The following NSD3 variants were observed in gnomAD, a reference collection of about 807,000 sequenced individuals.
NSD3 encodes the protein histone-lysine N-methyltransferase NSD3.
A neutral mutation model predicts 160.8 loss-of-function variants in NSD3; 24 were observed. That is an observed-to-expected ratio of 0.15 (90% CI 0.11 to 0.21). The LOEUF is 0.21. Ranked by LOEUF, NSD3 falls within the 10% of genes least tolerant of loss-of-function variation. NSD3 has a pLI of 1.00. For synonymous variants in NSD3, 520 were observed against 600.0 expected (o/e 0.87, Z 1.95); for missense variants, 1,157 against 1,735.9 (o/e 0.67, Z 5.93).
At chr8:38,349,688 TATATG>T (rs1330597131) in intron 1 of NSD3, among the ~76,000 whole-genome samples, 2 of 122,832 alleles carry the variant, frequency 1.6e-5, no homozygotes, top group African/African-American at 6.2e-5. Flanking sequence ...TATATATATA[TATATG>T]TATTTATTAT....
At chr8:38,346,408 A>G (rs1314081928) in intron 2 of NSD3, among the ~76,000 whole-genome samples, 3 of 148,078 alleles carry the variant, frequency 2.0e-5, no homozygotes, top group African/African-American at 4.9e-5. Flanking sequence ...GTATATATGT[A>G]TATATGTGTA....
intron 4 of NSD3, among the ~76,000 whole-genome samples, chr8:38,333,462 A>C (rs1023788316): frequency 6.6e-6 from 1 of 152,256 alleles, no homozygotes; most frequent in Non-Finnish European, 1.5e-5. Flanking sequence ...AATACAACTT[A>C]AAATAGAATT....
chr8:38,321,214 G>A lies in NSD3; in HGVS notation c.1709-42C>T, dbSNP rs1370526034. ...ACACACAAACAAAAACTCACTTAAG[G>A]ATACCTTGACATCTATGTAATTAAG... On this transcript the variant is annotated intron_variant, in intron 7 of 23. Coordinates refer to ENST00000317025, the MANE Select transcript of NSD3 (RefSeq NM_023034.2). This position sits in a 1 kb window ranked among gnomAD's most constrained non-coding sequence, Gnocchi z 4.7. 1 of 1,532,610 alleles carries A rather than the reference G, an allele frequency of 6.5e-7. No individual in the cohort carries two copies. Among genetic ancestry groups the A allele is most frequent in the South Asian group, 1.2e-5 (1 of 86,148 alleles). 94.9% of individuals were successfully genotyped at this position (1,532,610 alleles called of 1,614,324 possible). A position where few individuals can be genotyped will look rare whatever the true frequency, so the allele number is the denominator to read the frequency against.
At chr8:38,292,526 T>C (rs565123385) in intron 16 of NSD3, among the ~76,000 whole-genome samples, 11 of 151,804 alleles carry the variant, frequency 7.2e-5, no homozygotes, top group South Asian at 6.2e-4. Context: ...CTCACGCCTG[T>C]AATCCCAGCA....
At chr8:38,315,612 A>C (rs1585879911) in intron 10 of NSD3, 68 bp from the exon 11 acceptor site, 3 of 1,585,884 alleles carry the variant, frequency 1.9e-6, no homozygotes, top group Non-Finnish European at 2.6e-6. Flanking sequence ...AGATGCTATG[A>C]AAATCCTAGT....
chr8:38,304,440 C>T lies in NSD3; in HGVS notation c.2611+147G>A, dbSNP rs1433095415. 6.3e-6 allele frequency: 4 copies of T among 635,498 alleles called. No homozygotes were observed. In the Admixed American group the frequency reaches 1.1e-4, roughly 18 times the overall value. The allele number at this position is 635,498 out of a possible 1,614,324, so 39.4% of individuals were successfully genotyped here. On this transcript the variant is annotated intron_variant, in intron 14 of 23. Transcript: ENST00000317025. ...AAAGTTACTGGAAATGTTCATCTCT[C>T]TCAGGGATATATTACAGTGGAATTC...
chr8:38,338,911 G>T (rs1466410518), intron 2 of NSD3, among the ~76,000 whole-genome samples: 1 of 152,108 alleles, frequency 6.6e-6, no homozygotes, highest in East Asian at 1.9e-4. Flanking sequence ...GGAGGCTAAG[G>T]CAGGCAGATC....
intron 1 of NSD3, among the ~76,000 whole-genome samples, chr8:38,354,296 C>G (rs1283779793): frequency 1.3e-5 from 2 of 152,116 alleles, no homozygotes; most frequent in Admixed American, 6.5e-5. Context: ...ATGTCTAAAA[C>G]AAATGAAAGG....
intron 1 of NSD3, among the ~76,000 whole-genome samples, chr8:38,371,426 T>C (rs546565472): frequency 2.9e-4 from 44 of 152,180 alleles, no homozygotes; most frequent in Non-Finnish European, 6.0e-4. Flanking sequence ...CTCTACTGCA[T>C]ACACAAAGCC....
Position 38,321,009 on chromosome 8 carries a change from A to T in NSD3, c.1809+63T>A, listed in dbSNP as rs1809786191. The T allele has an allele frequency of 2.0e-6, 3 of 1,466,948 alleles. No individual in the cohort carries two copies. 90.9% of individuals were successfully genotyped at this position (1,466,948 alleles called of 1,614,324 possible). The stretch of plus-strand genomic sequence containing the variant: ...GGAAAGTTTCTCTTTCTTTTAAGAC[A>T]GGAATGTAAGCCACAACATTTACAA... On this transcript the variant is annotated intron_variant, in intron 8 of 23. Transcript: ENST00000317025. The surrounding 1 kb of genome is among the most constrained non-coding windows in gnomAD (Gnocchi z 4.7).
intron 1 of NSD3, among the ~76,000 whole-genome samples, chr8:38,381,122 C>T (rs138673859): frequency 2.7e-4 from 41 of 152,208 alleles, no homozygotes; most frequent in African/African-American, 9.4e-4. Flanking sequence ...TAACGACCTC[C>T]ATCCCCTTCT....
At chr8:38,366,209 T>C (rs893972926) in intron 1 of NSD3, among the ~76,000 whole-genome samples, 1 of 152,014 alleles carries the variant, frequency 6.6e-6, no homozygotes, top group Non-Finnish European at 1.5e-5. Flanking sequence ...GTAATTGCAC[T>C]GATTAAAAGA....
intron 16 of NSD3, 115 bp from the exon 17 acceptor site, chr8:38,290,792 C>A: frequency 1.1e-6 from 1 of 932,844 alleles, no homozygotes; most frequent in East Asian, 2.6e-5. Flanking sequence ...CATTCAGATT[C>A]TAAGAACATA....
intron 4 of NSD3, 46 bp downstream of exon 4, chr8:38,337,259 T>C: frequency 6.7e-7 from 1 of 1,485,896 alleles, no homozygotes. Context: ...AAAAGTCACT[T>C]TTATTTCCAA....
chr8:38,336,580 T>A lies in NSD3; in HGVS notation c.910+725A>T, dbSNP rs11991523. Among the ~76,000 whole-genome samples the A allele has an allele frequency of 4.9e-3, 747 of 152,230 alleles. 11 individuals carry two copies. The highest frequency in any genetic ancestry group is 0.017 in the African/African-American group (702 of 41,532). ...TACTTGTCTGGGTAAAAAATTACTA[T>A]CCATAGCAGTCAACGATGAAATAAA... is the stretch of plus-strand genomic sequence containing the variant. On this transcript the variant is annotated intron_variant, in intron 4 of 23. Transcript: ENST00000317025.
At chr8:38,277,178 G>A (rs1170242347) in intron 22 of NSD3, among the ~76,000 whole-genome samples, 1 of 152,198 alleles carries the variant, frequency 6.6e-6, no homozygotes, top group Non-Finnish European at 1.5e-5. Context: ...CTGAGCTCAG[G>A]CAATCCGCCT....
intron 15 of NSD3, among the ~76,000 whole-genome samples, chr8:38,297,235 C>T (rs757366268): frequency 6.6e-6 from 1 of 152,044 alleles, no homozygotes; most frequent in Non-Finnish European, 1.5e-5. Flanking sequence ...TTTAGATACA[C>T]AAAATACTCT....
intron 4 of NSD3, among the ~76,000 whole-genome samples, chr8:38,335,015 C>T (rs1319778369): frequency 1.4e-5 from 2 of 141,298 alleles, no homozygotes; most frequent in Admixed American, 1.5e-4. Flanking sequence ...GACCAAGTCT[C>T]ACTCTGTCAC....
chr8:38,304,781 G>GA, intron 13 of NSD3, 24 bp from the exon 14 acceptor site: 1 of 1,579,444 alleles, frequency 6.3e-7, no homozygotes, highest in Non-Finnish European at 8.6e-7. Flanking sequence ...AGTCAAAAAG[G>GA]AATCTAATAA....
Sources: allele counts gnomAD v4.1 joint callset (sites outside exome capture counted in the v4.1 genomes callset), GRCh38; gene constraint gnomAD v4.1.1; non-coding constraint Gnocchi (gnomAD v3.1); transcripts MANE v1.5; gene names NCBI Gene and HGNC (gene_info 2026-07-23, HGNC 2026-07-21).